The following NSMAF variants were observed in gnomAD, a reference collection of about 807,000 sequenced individuals.
The protein encoded by NSMAF is neutral sphingomyelinase activation associated factor, also known as protein FAN.
In NSMAF, 90 loss-of-function variants were observed where a neutral mutation model predicts 134.9. The ratio of observed to expected loss-of-function variants is 0.67; its 90% CI spans 0.56 to 0.79. The LOEUF (loss-of-function observed/expected upper bound fraction) is 0.79. NSMAF is among the 30% of genes least tolerant of loss of function. NSMAF has a pLI of 0.00. For missense variants in NSMAF, 1,010 were observed against 1,119.0 expected (o/e 0.90, Z 1.39); for synonymous variants, 358 against 389.6 (o/e 0.92, Z 0.96).
intron 23 of NSMAF, among the ~76,000 whole-genome samples, chr8:58,592,203 C>A (rs944795979): frequency 3.3e-5 from 5 of 152,126 alleles, no homozygotes; most frequent in Non-Finnish European, 7.4e-5. Context: ...ACAAAAAAAA[C>A]CAGAAACCAG....
intron 1 of NSMAF, chr8:58,659,293 C>G (rs1405608357): frequency 6.6e-7 from 1 of 1,523,936 alleles, no homozygotes; most frequent in Non-Finnish European, 8.8e-7. Context: ...ACCTGCACTG[C>G]CGGATAGCTC....
chr8:58,644,822 G>A (rs972433372), intron 1 of NSMAF, among the ~76,000 whole-genome samples: 8 of 152,154 alleles, frequency 5.3e-5, no homozygotes, highest in Non-Finnish European at 8.8e-5. Context: ...GCAGCGACAT[G>A]GATGAAGCTG....
intron 2 of NSMAF, among the ~76,000 whole-genome samples, chr8:58,637,696 T>C (rs764915962): frequency 2.6e-5 from 4 of 152,186 alleles, no homozygotes; most frequent in Non-Finnish European, 4.4e-5. Context: ...CATTTCTATA[T>C]GCTAACAATG....
intron 1 of NSMAF, chr8:58,659,183 C>A: frequency 7.1e-7 from 1 of 1,417,976 alleles, no homozygotes; most frequent in Non-Finnish European, 9.1e-7. Flanking sequence ...GCCCGCCGGG[C>A]AGCGTACTCA....
chr8:58,597,865 C>T lies in NSMAF; in HGVS notation c.1623G>A (p.Leu541=), dbSNP rs762959253. 9 of 1,600,858 alleles carry T rather than the reference C, an allele frequency of 5.6e-6. No individual in the cohort carries two copies. In the South Asian group the frequency reaches 8.8e-5, roughly 16 times the overall value. Residue 541 remains leucine, a synonymous_variant, in exon 20 of 31, where the codon TTG becomes TTA. Coordinates refer to ENST00000038176, the MANE Select transcript of NSMAF (RefSeq NM_003580.4). ...CCTTATTGACATATAAGTACCTGTTCAAGTCTACACCTCCTTCATAGGTCA... is the reference window on the plus strand; with the variant it reads ...CCTTATTGACATATAAGTACCTGTTTAAGTCTACACCTCCTTCATAGGTCA... ...HPLTYEGGVD[L]NSIQDPDEKV... is the part of the protein sequence containing the mutation.
chr8:58,611,587 G>T (rs562277624), intron 9 of NSMAF, among the ~76,000 whole-genome samples: 2 of 152,178 alleles, frequency 1.3e-5, no homozygotes, highest in African/African-American at 2.4e-5. Flanking sequence ...TAGAAACTAT[G>T]AAAAAGAACC....
intron 9 of NSMAF, among the ~76,000 whole-genome samples, chr8:58,622,004 C>T (rs989096645): frequency 1.3e-5 from 2 of 152,086 alleles, no homozygotes; most frequent in Non-Finnish European, 2.9e-5. Flanking sequence ...TTTGTTTTTG[C>T]TGTAATTGCT....
chr8:58,591,226 G>C (rs2129139522), intron 23 of NSMAF, among the ~76,000 whole-genome samples: 1 of 152,014 alleles, frequency 6.6e-6, no homozygotes, highest in Admixed American at 6.5e-5. Context: ...TGTGGTAGCT[G>C]GTATATGCAG....
chr8:58,629,997 C>G (rs1044655547), intron 6 of NSMAF, among the ~76,000 whole-genome samples: 2 of 152,150 alleles, frequency 1.3e-5, no homozygotes, highest in African/African-American at 4.8e-5. Context: ...TTGGGCAGCT[C>G]CCCTGAAAAG....
intron 9 of NSMAF, among the ~76,000 whole-genome samples, chr8:58,620,183 T>C (rs1478851730): frequency 2.0e-5 from 3 of 152,092 alleles, no homozygotes; most frequent in South Asian, 4.2e-4. Context: ...TAGAGCACCA[T>C]AGGTAGGTAC....
intron 19 of NSMAF, among the ~76,000 whole-genome samples, chr8:58,598,837 A>G (rs1366536330): frequency 6.7e-5 from 2 of 30,038 alleles, no homozygotes; most frequent in Non-Finnish European, 2.0e-4. Context: ...AACCTGGCCA[A>G]CATGGTGAAA....
At chr8:58,618,307 A>C (rs1806709975) in intron 9 of NSMAF, among the ~76,000 whole-genome samples, 1 of 152,148 alleles carries the variant, frequency 6.6e-6, no homozygotes, top group South Asian at 2.1e-4. Flanking sequence ...CTTAAAGTAT[A>C]ATTTTTTTAA....
At chr8:58,589,822 A>G in intron 25 of NSMAF, 185 bp downstream of exon 25, 1 of 588,356 alleles carries the variant, frequency 1.7e-6, no homozygotes, top group Admixed American at 3.9e-5. Context: ...CTCCAATTGG[A>G]GAAATTATTC....
chr8:58,587,812 A>G lies in NSMAF; in HGVS notation c.2212-111T>C, dbSNP rs555982094. On this transcript the variant is annotated intron_variant, in intron 26 of 30. Coordinates refer to ENST00000038176, the MANE Select transcript of NSMAF (RefSeq NM_003580.4). ...CAATTTCCATTTAACAGACTTGCCA[A>G]TAAAGTTAAGCTGCACAGTGCTCCA... 124 of 892,170 alleles carry G rather than the reference A, an allele frequency of 1.4e-4. No individual in the cohort carries two copies. In the South Asian group the frequency reaches 1.9e-3, roughly 14 times the overall value. 55.3% of individuals were successfully genotyped at this position (892,170 alleles called of 1,614,324 possible). A position where few individuals can be genotyped will look rare whatever the true frequency, so the allele number is the denominator to read the frequency against.
rs549476263 is a variant in NSMAF, at chr8:58,603,236, A to G, written c.1019T>C (p.Ile340Thr). The G allele has an allele frequency of 2.0e-5, 33 of 1,614,200 alleles. 1 individual carries two copies. In the South Asian group the frequency reaches 3.5e-4, roughly 17 times the overall value. Residue 340 changes from isoleucine to threonine, a missense_variant, in exon 13 of 31, where the codon ATA (isoleucine) becomes ACA (threonine). Transcript: ENST00000038176. Reference protein sequence around the residue: ...LSQYPVFPWIIHDYSSSELDL... With the variant: ...LSQYPVFPWITHDYSSSELDL... ...TAGTTCTGAGCTGGAATAATCATGT[A>G]TTATCCATGGAAACACAGGGTACTG...
At chr8:58,655,704 G>A (rs936024633) in intron 1 of NSMAF, among the ~76,000 whole-genome samples, 4 of 151,822 alleles carry the variant, frequency 2.6e-5, no homozygotes, top group African/African-American at 9.7e-5. Flanking sequence ...ACAGGAGATC[G>A]AGACCATCCT....
chr8:58,615,037 A>G (rs973840360), intron 9 of NSMAF, among the ~76,000 whole-genome samples: 3 of 152,168 alleles, frequency 2.0e-5, no homozygotes, highest in Admixed American at 1.3e-4. Context: ...ACATAAGAAA[A>G]CTGATGTGGT....
chr8:58,639,896 G>A, intron 2 of NSMAF: 2 of 313,216 alleles, frequency 6.4e-6, no homozygotes, highest in Non-Finnish European at 1.3e-5. Context: ...GCCACAGAAG[G>A]ACAAATACTA....
chr8:58,622,046 G>T (rs189657172), intron 9 of NSMAF, among the ~76,000 whole-genome samples: 3 of 152,184 alleles, frequency 2.0e-5, no homozygotes, highest in Non-Finnish European at 2.9e-5. Flanking sequence ...CTTTGCTGGG[G>T]CCTATGTCCA....
Sources: allele counts gnomAD v4.1 joint callset (sites outside exome capture counted in the v4.1 genomes callset), GRCh38; gene constraint gnomAD v4.1.1; transcripts MANE v1.5; gene names NCBI Gene and HGNC (gene_info 2026-07-23, HGNC 2026-07-21).